GRK3: variants seen among roughly 807,000 people sequenced by gnomAD.
GRK3 encodes G protein-coupled receptor kinase 3, also known as adrenergic, beta, receptor kinase 2.
A neutral mutation model predicts 95.7 loss-of-function variants in GRK3; 54 were observed. That is an observed-to-expected ratio of 0.56 (90% CI 0.45 to 0.71). The LOEUF (loss-of-function observed/expected upper bound fraction) is 0.71, where lower values mean the gene tolerates loss of function less well. Ranked by LOEUF, GRK3 falls within the 30% of genes least tolerant of loss-of-function variation. GRK3 has a pLI of 0.00. For missense variants in GRK3, 649 were observed against 851.2 expected (o/e 0.76, Z 2.96); for synonymous variants, 281 against 290.8 (o/e 0.97, Z 0.34).
chr22:25,592,515 T>A (rs929589634), intron 1 of GRK3, among the ~76,000 whole-genome samples: 2 of 152,160 alleles, frequency 1.3e-5, no homozygotes, highest in African/African-American at 4.8e-5. Context: ...TTATTATTCA[T>A]GTTTTTGCTC....
intron 9 of GRK3, among the ~76,000 whole-genome samples, chr22:25,680,658 G>A (rs1219347835): frequency 6.6e-6 from 1 of 152,000 alleles, no homozygotes; most frequent in South Asian, 2.1e-4. Flanking sequence ...GTTATTTTGG[G>A]CTATCACTTT....
intron 8 of GRK3, among the ~76,000 whole-genome samples, chr22:25,675,181 T>G (rs998395275): frequency 6.6e-6 from 1 of 152,140 alleles, no homozygotes; most frequent in Non-Finnish European, 1.5e-5. Context: ...AATTGTTTGC[T>G]TTGCAAAAGA....
intron 2 of GRK3, among the ~76,000 whole-genome samples, chr22:25,631,287 A>T (rs1032653369): frequency 6.6e-6 from 1 of 152,208 alleles, no homozygotes; most frequent in Non-Finnish European, 1.5e-5. Context: ...GTACTTGTTT[A>T]TGACCTCTGT....
chr22:25,618,722 ATT>A (rs5844650), intron 2 of GRK3, among the ~76,000 whole-genome samples: 49 of 136,150 alleles, frequency 3.6e-4, no homozygotes, highest in Middle Eastern at 3.7e-3. Context: ...GTACCTCTTC[ATT>A]TTTTTTTTTT....
intron 2 of GRK3, among the ~76,000 whole-genome samples, chr22:25,609,479 GTGCCACCA>G (rs1349065456): frequency 1.3e-5 from 2 of 151,602 alleles, no homozygotes; most frequent in East Asian, 3.9e-4. Flanking sequence ...TTACAGTCAT[GTGCCACCA>G]TGCCCAGCTA....
Position 25,724,496 on chromosome 22 carries a change from A to G in GRK3, c.*2046A>G, listed in dbSNP as rs1330776857. The stretch of plus-strand genomic sequence containing the variant: ...AATTTCTGCTCTAAGAATAGAACAT[A>G]AGGCTCCACTCCCTTTTAGAAAAGA... On this transcript the variant is annotated 3_prime_UTR_variant, in exon 21 of 21. Coordinates refer to ENST00000324198, the MANE Select transcript of GRK3 (RefSeq NM_005160.4). 3.3e-5 allele frequency: 5 copies of G among 152,238 alleles called. No homozygotes were observed. The highest frequency in any genetic ancestry group is 7.3e-5 in the Non-Finnish European group (5 of 68,044). The allele number at this position is 152,238 out of a possible 1,614,324, so 9.4% of individuals were successfully genotyped here.
At chr22:25,672,037 C>T (rs567606457) in intron 6 of GRK3, among the ~76,000 whole-genome samples, 4 of 152,034 alleles carry the variant, frequency 2.6e-5, no homozygotes, top group Admixed American at 6.6e-5. Context: ...ATATCATCTC[C>T]GTATTGGACT....
rs2085153004 is a variant in GRK3, at chr22:25,690,082, A to G, written c.958-107A>G. The G allele has an allele frequency of 5.3e-6, 4 of 753,560 alleles. No homozygotes were observed. In the East Asian group the frequency reaches 1.1e-4, roughly 20 times the overall value. 46.7% of individuals were successfully genotyped at this position (753,560 alleles called of 1,614,324 possible). ...CTAAAGCTATAATTTGTGTTTAGGA[A>G]CAAACTATGATAAAATAGTGAGATA... On this transcript the variant is annotated intron_variant, in intron 11 of 20. Coordinates refer to ENST00000324198, the MANE Select transcript of GRK3 (RefSeq NM_005160.4).
chr22:25,698,810 G>A (rs767161373), intron 13 of GRK3, among the ~76,000 whole-genome samples: 5 of 152,212 alleles, frequency 3.3e-5, no homozygotes, highest in Non-Finnish European at 7.3e-5. Context: ...AAGGCAGTGA[G>A]TTTGCGCAGC....
chr22:25,636,631 A>G (rs2146373898), intron 2 of GRK3, among the ~76,000 whole-genome samples: 1 of 152,234 alleles, frequency 6.6e-6, no homozygotes, highest in East Asian at 1.9e-4. Flanking sequence ...AAATGTATTG[A>G]CCCACATAAC....
At chr22:25,600,186 A>C (rs1316180818) in intron 1 of GRK3, among the ~76,000 whole-genome samples, 2 of 143,636 alleles carry the variant, frequency 1.4e-5, no homozygotes, top group African/African-American at 5.2e-5. Context: ...TTGCTCTGTC[A>C]CCCAGGCTGC....
At chr22:25,634,678 T>C (rs1408948404) in intron 2 of GRK3, among the ~76,000 whole-genome samples, 1 of 152,210 alleles carries the variant, frequency 6.6e-6, no homozygotes, top group Non-Finnish European at 1.5e-5. Flanking sequence ...TAAAGTGCTG[T>C]AAGTTTTCTT....
intron 1 of GRK3, among the ~76,000 whole-genome samples, chr22:25,594,448 C>A (rs2084357663): frequency 6.6e-6 from 1 of 152,100 alleles, no homozygotes; most frequent in African/African-American, 2.4e-5. Flanking sequence ...AGGCAAAAAT[C>A]CTCAACAAAA....
chr22:25,668,372 T>C (rs2084956718), intron 6 of GRK3, among the ~76,000 whole-genome samples: 1 of 152,250 alleles, frequency 6.6e-6, no homozygotes, highest in South Asian at 2.1e-4. Flanking sequence ...AGAATCTGCA[T>C]TGACACTGAC....
chr22:25,676,926 C>A (rs796341299), intron 8 of GRK3, among the ~76,000 whole-genome samples: 10 of 152,266 alleles, frequency 6.6e-5, no homozygotes, highest in African/African-American at 2.2e-4. Context: ...CTCTGCGAGC[C>A]CATCAGTGAA....
At chr22:25,706,807 G>A (rs1394154582) in intron 15 of GRK3, among the ~76,000 whole-genome samples, 1 of 152,104 alleles carries the variant, frequency 6.6e-6, no homozygotes, top group Non-Finnish European at 1.5e-5. Context: ...ACAGGCGTGA[G>A]CCACCATGTC....
chr22:25,590,988 T>A (rs995207814), intron 1 of GRK3, among the ~76,000 whole-genome samples: 3 of 152,134 alleles, frequency 2.0e-5, no homozygotes, highest in African/African-American at 7.2e-5. Context: ...TTCAATTTGA[T>A]TTTGACACCA....
At chr22:25,624,075 G>A (rs572475903) in intron 2 of GRK3, among the ~76,000 whole-genome samples, 1 of 152,132 alleles carries the variant, frequency 6.6e-6, no homozygotes, top group Non-Finnish European at 1.5e-5. Flanking sequence ...GGTGCAGTCA[G>A]CTTGTTCCTG....
At chr22:25,709,987 A>C (rs1367558542) in intron 16 of GRK3, 23 bp downstream of exon 16, 1 of 1,553,202 alleles carries the variant, frequency 6.4e-7, no homozygotes, top group African/African-American at 1.4e-5. Context: ...TCTTGACTCT[A>C]CTTACGGTAC....
Sources: gnomAD v4.1 joint callset for allele counts (sites outside exome capture counted in the v4.1 genomes callset) on GRCh38, gnomAD v4.1.1 for gene constraint, MANE v1.5 for transcripts, NCBI Gene and HGNC (gene_info 2026-07-23, HGNC 2026-07-21) for gene names.